SOX6: variants seen among roughly 807,000 people sequenced by gnomAD.
The protein encoded by SOX6 is SRY-box transcription factor 6.
A neutral mutation model predicts 97.8 loss-of-function variants in SOX6; 11 were observed. That is an observed-to-expected ratio of 0.11 (90% CI 0.07 to 0.19). The LOEUF is 0.19. Among genes scored for constraint, SOX6 ranks in the 10% least tolerant of loss-of-function variants. The pLI, the probability that SOX6 is intolerant of heterozygous loss-of-function variation, is 1.00. For synonymous variants in SOX6, 360 were observed against 371.4 expected, an observed-to-expected ratio of 0.97 and a Z score of 0.35; for missense variants, 810 against 1,039.5, an observed-to-expected ratio of 0.78 and a Z score of 3.04.
At chr11:16,637,099 A>C (rs2134000462) in intron 3 of SOX6, among the ~76,000 whole-genome samples, 1 of 152,262 alleles carries the variant, frequency 6.6e-6, no homozygotes, top group Admixed American at 6.5e-5. Context: ...TTGAAACAAC[A>C]AGCTTTTGGA....
At chr11:16,084,975 G>C (rs1848547196) in intron 9 of SOX6, among the ~76,000 whole-genome samples, 1 of 152,152 alleles carries the variant, frequency 6.6e-6, no homozygotes. Flanking sequence ...GAACGGAGAA[G>C]TGAAGAATTT....
rs114828841 is a variant in SOX6, at chr11:16,450,726, G to A, written c.-5+25589C>T. 3.7e-3 allele frequency among the ~76,000 whole-genome samples: 567 copies of A among 152,180 alleles called. 4 individuals are homozygous for A. The highest frequency in any genetic ancestry group is 0.012 in the African/African-American group (490 of 41,524). On this transcript the variant is annotated intron_variant, in intron 1 of 15. Coordinates refer to the SOX6 transcript ENST00000396356. ...TATCATAAGAACTTATCATAAAGTC[G>A]CCAAATATACTATATTGATATGATG...
chr11:16,703,154 GA>G (rs1848107316), intron 3 of SOX6, among the ~76,000 whole-genome samples: 1 of 151,582 alleles, frequency 6.6e-6, no homozygotes, highest in South Asian at 2.1e-4. Context: ...CTACATGATC[GA>G]ATCACACTGA....
Position 16,062,478 on chromosome 11 carries a change from T to C in SOX6, c.1102-6577A>G, listed in dbSNP as rs541565191. 1.4e-3 allele frequency among the ~76,000 whole-genome samples: 211 copies of C among 151,786 alleles called. 1 individual carries two copies. Among genetic ancestry groups the C allele is most frequent in the African/African-American group, 4.7e-3 (197 of 41,530 alleles). ...TATTCATTTCTAAACATAGTTGAGG[T>C]TTAAAAATCAACAATATAGTAAAGC... On this transcript the variant is annotated intron_variant, in intron 9 of 15. Coordinates refer to ENST00000683767, the MANE Select transcript of SOX6 (RefSeq NM_001367873.1).
At chr11:15,975,643 T>C (rs1853455137) in intron 15 of SOX6, among the ~76,000 whole-genome samples, 1 of 152,186 alleles carries the variant, frequency 6.6e-6, no homozygotes, top group Non-Finnish European at 1.5e-5. Context: ...TGAATCCTCA[T>C]AATAAGCCTG....
chr11:16,042,180 G>T (rs1430886673), intron 12 of SOX6, among the ~76,000 whole-genome samples: 1 of 152,138 alleles, frequency 6.6e-6, no homozygotes, highest in Non-Finnish European at 1.5e-5. Context: ...AGCACAGGGA[G>T]AACTGAGACC....
chr11:16,521,142 T>G (rs1221061687), intron 4 of SOX6, among the ~76,000 whole-genome samples: 1 of 152,176 alleles, frequency 6.6e-6, no homozygotes, highest in Admixed American at 6.5e-5. Context: ...TCTCCCAGCA[T>G]GCAGCTGGAG....
intron 1 of SOX6, among the ~76,000 whole-genome samples, chr11:16,380,545 T>C (rs1051679919): frequency 2.6e-5 from 4 of 152,068 alleles, no homozygotes; most frequent in Non-Finnish European, 4.4e-5. Context: ...TCCATAATTA[T>C]GGCTAAATGC....
intron 3 of SOX6, among the ~76,000 whole-genome samples, chr11:16,702,187 A>G (rs553727835): frequency 1.3e-5 from 2 of 152,212 alleles, no homozygotes; most frequent in Non-Finnish European, 2.9e-5. Context: ...AATAGTAAAT[A>G]ATTCTGATTC....
At chr11:16,456,725 T>C (rs574237931) in intron 1 of SOX6, among the ~76,000 whole-genome samples, 2 of 152,268 alleles carry the variant, frequency 1.3e-5, no homozygotes, top group East Asian at 3.9e-4. Flanking sequence ...GGTTTATCGA[T>C]GTATTCTATT....
chr11:15,980,601 C>T (rs1221262488), intron 15 of SOX6, among the ~76,000 whole-genome samples: 1 of 151,990 alleles, frequency 6.6e-6, no homozygotes, highest in East Asian at 1.9e-4. Flanking sequence ...TTCTTTACTG[C>T]CAGGAAAAAG....
At chr11:16,179,048 G>A (rs1405029592) in intron 6 of SOX6, among the ~76,000 whole-genome samples, 2 of 151,760 alleles carry the variant, frequency 1.3e-5, no homozygotes, top group African/African-American at 4.8e-5. Flanking sequence ...AGGTCATGAA[G>A]GCTAATGTAC....
rs140349010 is a variant in SOX6 at position 16,451,983 on chromosome 11, A to AAACTAAATAAATAAAT, written c.-5+24331_-5+24332insATTTATTTATTTAGTT. ...GGGTGACAGAGCAAGACCCTATCTAAAAATAAATAAATAAATAAATAAATA... is the reference window on the plus strand; with the variant it reads ...GGGTGACAGAGCAAGACCCTATCTAAAACTAAATAAATAAATAAATAAATAAATAAATAAATAAATA... On this transcript the variant is annotated intron_variant, in intron 1 of 15. Transcript: ENST00000396356. 8.3e-3 allele frequency among the ~76,000 whole-genome samples: 1,189 copies of AAACTAAATAAATAAAT among 143,904 alleles called. 15 individuals are homozygous for AAACTAAATAAATAAAT. Among genetic ancestry groups the AAACTAAATAAATAAAT allele is most frequent in the African/African-American group, 0.029 (1,135 of 38,512 alleles). The allele number at this position is 143,904 out of a possible 152,430, so 94.4% of individuals were successfully genotyped here. A position where few individuals can be genotyped will look rare whatever the true frequency, so the allele number is the denominator to read the frequency against.
At chr11:16,216,361 G>C (rs1035006224) in intron 4 of SOX6, among the ~76,000 whole-genome samples, 2 of 152,156 alleles carry the variant, frequency 1.3e-5, no homozygotes, top group Non-Finnish European at 2.9e-5. Flanking sequence ...GAGTGACTGA[G>C]ATTCTACAAA....
chr11:16,254,806 A>G (rs1368608993), intron 3 of SOX6, among the ~76,000 whole-genome samples: 1 of 152,052 alleles, frequency 6.6e-6, no homozygotes, highest in Non-Finnish European at 1.5e-5. Context: ...CAGGGGTCTA[A>G]ATACACCAAT....
intron 3 of SOX6, among the ~76,000 whole-genome samples, chr11:16,237,324 C>T (rs1853055008): frequency 6.6e-6 from 1 of 151,972 alleles, no homozygotes; most frequent in South Asian, 2.1e-4. Context: ...AAGCAGAAGA[C>T]ACTACTGCTA....
intron 15 of SOX6, among the ~76,000 whole-genome samples, chr11:15,977,224 T>C (rs1288784763): frequency 6.6e-6 from 1 of 152,062 alleles, no homozygotes; most frequent in Non-Finnish European, 1.5e-5. Context: ...TCTCTGTAGA[T>C]GTTCATTCCA....
At chr11:16,117,261 G>C (rs925168813) in intron 6 of SOX6, among the ~76,000 whole-genome samples, 1 of 150,774 alleles carries the variant, frequency 6.6e-6, no homozygotes, top group South Asian at 2.1e-4. Flanking sequence ...GCTGAGGCAG[G>C]AGAATCACTT....
chr11:16,549,906 G>A (rs1173242743), intron 4 of SOX6, among the ~76,000 whole-genome samples: 1 of 152,170 alleles, frequency 6.6e-6, no homozygotes, highest in Non-Finnish European at 1.5e-5. Flanking sequence ...AGCTTGTAAA[G>A]ACAGAAATAT....
Sources: gnomAD v4.1 joint callset for allele counts (sites outside exome capture counted in the v4.1 genomes callset) on GRCh38, gnomAD v4.1.1 for gene constraint, MANE v1.5 for transcripts, NCBI Gene and HGNC (gene_info 2026-07-23, HGNC 2026-07-21) for gene names.